The following KREMEN1 variants were observed in gnomAD, a reference collection of about 807,000 sequenced individuals.
KREMEN1 encodes the protein kringle containing transmembrane protein 1.
In KREMEN1, 30 loss-of-function variants were observed where a neutral mutation model predicts 46.5. The ratio of observed to expected loss-of-function variants is 0.65; its 90% CI spans 0.48 to 0.88. The LOEUF (loss-of-function observed/expected upper bound fraction) is 0.88. KREMEN1 is among the 40% of genes least tolerant of loss of function. The probability of loss-of-function intolerance (pLI) is 0.00; values close to 1 mark genes in which losing one functional copy is unlikely to be tolerated. For missense variants in KREMEN1, 533 were observed against 596.9 expected (o/e 0.89, Z 1.11); for synonymous variants, 214 against 230.6 (o/e 0.93, Z 0.65).
chr22:29,112,480 T>C (rs753342429), intron 3 of KREMEN1, among the ~76,000 whole-genome samples: 2 of 152,202 alleles, frequency 1.3e-5, no homozygotes, highest in Non-Finnish European at 2.9e-5. Flanking sequence ...TAACAATGTT[T>C]AGTGGGCCTG....
chr22:29,111,825 G>A (rs1177520552), intron 3 of KREMEN1: 2 of 152,156 alleles, frequency 1.3e-5, no homozygotes, highest in East Asian at 3.8e-4. Flanking sequence ...CATAATAATA[G>A]TCAGGGCTGC....
At chr22:29,150,227 G>T (rs4823017), downstream of KREMEN1, among the ~76,000 whole-genome samples, 17,526 of 152,268 alleles carry the variant, frequency 0.12, 1,096 homozygotes, top group East Asian at 0.12. Context: ...CTGGTGGGGG[G>T]GGGGGCAGTG....
chr22:29,134,073 C>T (rs1437519410), intron 5 of KREMEN1: 1 of 151,922 alleles, frequency 6.6e-6, no homozygotes, highest in Non-Finnish European at 1.5e-5. Context: ...ATTAGCATGG[C>T]CCCTGTGCAA....
chr22:29,074,231 C>G (rs2037529493), intron 1 of KREMEN1, among the ~76,000 whole-genome samples: 1 of 152,266 alleles, frequency 6.6e-6, no homozygotes, highest in Non-Finnish European at 1.5e-5. Flanking sequence ...CGTGCCCTCT[C>G]TCTCCGCTGG....
At chr22:29,135,125 G>C (rs1002891207) in intron 5 of KREMEN1, among the ~76,000 whole-genome samples, 5 of 152,158 alleles carry the variant, frequency 3.3e-5, no homozygotes, top group African/African-American at 1.2e-4. Flanking sequence ...AGAATTTCTT[G>C]CCCTCCCTCC....
chr22:29,118,100 A>T (rs2038273778), intron 3 of KREMEN1, among the ~76,000 whole-genome samples: 1 of 152,192 alleles, frequency 6.6e-6, no homozygotes, highest in African/African-American at 2.4e-5. Flanking sequence ...TGTTGGTAGG[A>T]TTTAGTTAAT....
rs930916063 is a variant in KREMEN1 at position 29,167,029 on chromosome 22, T to C, written c.1417-15T>C. 5 of 1,549,648 alleles carry C rather than the reference T, an allele frequency of 3.2e-6. No individual in the cohort carries two copies. The Admixed American group carries it at 5.9e-5, about 18-fold the overall frequency. On this transcript the variant is annotated splice_polypyrimidine_tract_variant and intron_variant, in intron 9 of 9. Transcript: ENST00000327813. Reference sequence around the variant, plus strand: ...TACTTTCAGACACCACTCATTGTCCTTCCTACCTTCCCAGGCAATTCAGGA... The same window carrying C: ...TACTTTCAGACACCACTCATTGTCCCTCCTACCTTCCCAGGCAATTCAGGA...
At chr22:29,157,473 G>C (rs998284656) in intron 9 of KREMEN1, among the ~76,000 whole-genome samples, 1 of 152,238 alleles carries the variant, frequency 6.6e-6, no homozygotes, top group Non-Finnish European at 1.5e-5. Context: ...GAATAGCTGG[G>C]ATTACAGGCA....
intron 1 of KREMEN1, among the ~76,000 whole-genome samples, chr22:29,076,497 C>T (rs2037573007): frequency 1.3e-5 from 2 of 152,222 alleles, no homozygotes; most frequent in Admixed American, 1.3e-4. Context: ...CCATTTCGAC[C>T]TGCTATCAAA....
intron 5 of KREMEN1, among the ~76,000 whole-genome samples, chr22:29,126,346 A>C (rs1023578076): frequency 1.3e-5 from 2 of 152,210 alleles, no homozygotes; most frequent in Non-Finnish European, 2.9e-5. Flanking sequence ...GGAGGCTAGA[A>C]ATCCAAAATC....
chr22:29,135,927 T>C (rs1274265879), intron 5 of KREMEN1, among the ~76,000 whole-genome samples: 1 of 151,980 alleles, frequency 6.6e-6, no homozygotes, highest in Non-Finnish European at 1.5e-5. Context: ...CATTCACTTG[T>C]TGTTGTTGTT....
At chr22:29,092,697 G>A (rs1947056860) in intron 1 of KREMEN1, among the ~76,000 whole-genome samples, 1 of 152,086 alleles carries the variant, frequency 6.6e-6, no homozygotes, top group Non-Finnish European at 1.5e-5. Context: ...TAGGGTTGGT[G>A]GGGTGTGGTG....
Position 29,143,833 on chromosome 22 carries a change from G to A in KREMEN1, c.*1721G>A. On this transcript the variant is annotated 3_prime_UTR_variant, in exon 9 of 9. Transcript: ENST00000400335. ...TTAGGAATGGCTCAGTGGGGAAGGA[G>A]AGCACTCTTGTCCCCAGTCCCTTGC... 3 of 985,510 alleles carry A rather than the reference G, an allele frequency of 3.0e-6. No individual in the cohort carries two copies. The highest frequency in any genetic ancestry group is 3.6e-6 in the Non-Finnish European group (3 of 830,026). The allele number at this position is 985,510 out of a possible 1,614,324, so 61.0% of individuals were successfully genotyped here.
rs367643553 is a variant in KREMEN1 at position 29,166,390 on chromosome 22, T to C, written c.1417-654T>C. ...CAGCTGCCTTTCCGGGGGTCACTTCTGCTCCTCACATCTGCTGGGACTCAT... is the reference window on the plus strand; with the variant it reads ...CAGCTGCCTTTCCGGGGGTCACTTCCGCTCCTCACATCTGCTGGGACTCAT... On this transcript the variant is annotated intron_variant, in intron 9 of 9. Transcript: ENST00000327813. 1.9e-3 allele frequency among the ~76,000 whole-genome samples: 284 copies of C among 152,306 alleles called. 1 individual carries two copies. The highest frequency in any genetic ancestry group is 6.4e-3 in the African/African-American group (267 of 41,574).
chr22:29,146,867 G>A (rs1012249979), downstream of KREMEN1: 15 of 864,090 alleles, frequency 1.7e-5, no homozygotes, highest in African/African-American at 9.1e-5. Context: ...CCCAGAGAGC[G>A]TGGGACAAGC....
intron 1 of KREMEN1, among the ~76,000 whole-genome samples, chr22:29,074,173 A>G (rs535096261): frequency 6.6e-5 from 10 of 152,354 alleles, no homozygotes; most frequent in Non-Finnish European, 2.9e-5. Flanking sequence ...TCGCCCTGCT[A>G]GAGGCAGGTT....
At chr22:29,126,397 G>A (rs1462439061) in intron 5 of KREMEN1, among the ~76,000 whole-genome samples, 3 of 152,078 alleles carry the variant, frequency 2.0e-5, no homozygotes, top group African/African-American at 7.2e-5. Flanking sequence ...AGTCTCCAGG[G>A]AAGCCCTCCT....
At chr22:29,162,989 G>A (rs61500482) in intron 9 of KREMEN1, among the ~76,000 whole-genome samples, 3,012 of 152,204 alleles carry the variant, frequency 0.02, 108 homozygotes, top group African/African-American at 0.069. Flanking sequence ...CCATTCACAA[G>A]TACATAAAAC....
rs1268873820 is a variant in KREMEN1 at position 29,105,339 on chromosome 22, G to A, written c.352+6386G>A. Among the ~76,000 whole-genome samples, 10 of 151,794 alleles carry A rather than the reference G, an allele frequency of 6.6e-5. No individual in the cohort carries two copies. In the East Asian group the frequency reaches 1.9e-3, roughly 29 times the overall value. ...TTTAACAAGGTTCTGGGATGCCAGA[G>A]CTGCAGGACTACACTTTAAGTAGCA... On this transcript the variant is annotated intron_variant, in intron 3 of 8. Coordinates refer to ENST00000400335, the MANE Select transcript of KREMEN1 (RefSeq NM_001039570.3).
Sources: gnomAD v4.1 joint callset for allele counts (sites outside exome capture counted in the v4.1 genomes callset) on GRCh38, gnomAD v4.1.1 for gene constraint, MANE v1.5 for transcripts, NCBI Gene and HGNC (gene_info 2026-07-23, HGNC 2026-07-21) for gene names.